Variants in DNAH11 observed in about 807,000 individuals in gnomAD.
The protein encoded by DNAH11 is axonemal beta dynein heavy chain 11.
DNAH11 carries 442 observed loss-of-function variants against 526.0 expected under a neutral mutation model. The observed-to-expected ratio is 0.84, with a 90% CI of 0.78 to 0.91. The LOEUF is 0.91. Among genes scored for constraint, DNAH11 ranks in the 40% least tolerant of loss-of-function variants. DNAH11 has a pLI of 0.00. For synonymous variants in DNAH11, 2,461 were observed against 1,935.9 expected, an observed-to-expected ratio of 1.27 and a Z score of -7.12; for missense variants, 6,989 against 5,448.7, an observed-to-expected ratio of 1.28 and a Z score of -8.90.
chr7:21,892,020 T>G (rs1465277476), intron 76 of DNAH11, among the ~76,000 whole-genome samples: 1 of 152,142 alleles, frequency 6.6e-6, no homozygotes, highest in African/African-American at 2.4e-5. Flanking sequence ...AGAATTATGA[T>G]TAAAATCAAA....
chr7:21,848,334 ATC>A (rs145963018), intron 66 of DNAH11, among the ~76,000 whole-genome samples: 8,121 of 148,728 alleles, frequency 0.055, 289 homozygotes, highest in South Asian at 0.14. Context: ...ATCTTTCTCC[ATC>A]TCTCTCTCTC....
chr7:21,603,611 A>C (rs938459530), intron 18 of DNAH11, among the ~76,000 whole-genome samples: 3 of 152,218 alleles, frequency 2.0e-5, no homozygotes, highest in East Asian at 1.9e-4. Flanking sequence ...TGAATTGTTA[A>C]ATTCTATTTA....
chr7:21,642,113 A>C (rs1010224430), intron 28 of DNAH11, among the ~76,000 whole-genome samples: 20 of 152,148 alleles, frequency 1.3e-4, no homozygotes, highest in African/African-American at 4.1e-4. Flanking sequence ...TATATTTTTG[A>C]TATATTTTGA....
intron 73 of DNAH11, among the ~76,000 whole-genome samples, chr7:21,871,861 G>A (rs1018192574): frequency 1.6e-4 from 25 of 151,700 alleles, no homozygotes; most frequent in Admixed American, 1.6e-3. Context: ...GGTGGCTCAA[G>A]CCTGTAATCC....
chr7:21,863,378 G>C (rs1245540902), intron 69 of DNAH11, among the ~76,000 whole-genome samples: 4 of 152,110 alleles, frequency 2.6e-5, no homozygotes, highest in Admixed American at 2.6e-4. Context: ...GCCAGGCTGG[G>C]GTGCGGTGGT....
rs866197760 is a variant in DNAH11 at position 21,866,667 on chromosome 7, G to T, written c.11690+4G>T. 2 of 1,602,606 alleles carry T rather than the reference G, an allele frequency of 1.2e-6. No homozygotes were observed. The highest frequency in any genetic ancestry group is 1.7e-6 in the Non-Finnish European group (2 of 1,174,996). ...ACAGAATGACGTATGCTCTCAGGTG[G>T]GGTGGTCAGCATTTTTGGAAACATG... is the stretch of plus-strand genomic sequence containing the variant. On this transcript the variant is annotated splice_donor_region_variant and intron_variant, in intron 71 of 81. Coordinates refer to ENST00000409508, the MANE Select transcript of DNAH11 (RefSeq NM_001277115.2).
Position 21,617,614 on chromosome 7 carries a change from T to G in DNAH11, c.4096-5T>G. ...AGCTAGGTTTTTTCCTCCACTTTTC[T>G]TTAGGAAATTTGGTCACTCAACAAG... is the stretch of plus-strand genomic sequence containing the variant. On this transcript the variant is annotated splice_region_variant and splice_polypyrimidine_tract_variant and intron_variant, in intron 22 of 81. Transcript: ENST00000409508. The G allele has an allele frequency of 6.2e-7, 1 of 1,613,648 alleles. No individual in the cohort carries two copies. The highest frequency in any genetic ancestry group is 8.5e-7 in the Non-Finnish European group (1 of 1,179,736).
chr7:21,616,906 G>A (rs1281435928), intron 22 of DNAH11, among the ~76,000 whole-genome samples: 1 of 152,118 alleles, frequency 6.6e-6, no homozygotes, highest in East Asian at 1.9e-4. Context: ...AAAAGTGACA[G>A]GACCATTTGC....
rs1028924134 is a variant in DNAH11 at position 21,750,238 on chromosome 7, G to A, written c.8814G>A (p.Leu2938=). 2 of 1,605,614 alleles carry A rather than the reference G, an allele frequency of 1.2e-6. No homozygotes were observed. Among genetic ancestry groups the A allele is most frequent in the Non-Finnish European group, 1.7e-6 (2 of 1,175,906 alleles). The change falls in exon 54 of 82, where the codon CTG becomes CTA. Residue 2938 remains leucine, a synonymous_variant. Transcript: ENST00000409508. Reference sequence around the variant, plus strand: ...TTGGGGCAGGAGAAATCCCAGATCTGTTCAGCGATGAAGATGTGGACAAGA... The same window carrying A: ...TTGGGGCAGGAGAAATCCCAGATCTATTCAGCGATGAAGATGTGGACAAGA... ...DLLASGEIPD[L]FSDEDVDKII...
intron 30 of DNAH11, among the ~76,000 whole-genome samples, chr7:21,671,144 ATTTCT>A (rs1239771511): frequency 1.3e-5 from 2 of 151,996 alleles, no homozygotes; most frequent in East Asian, 1.9e-4. Flanking sequence ...TTGTAAATTG[ATTTCT>A]TTTATACATA....
intron 34 of DNAH11, among the ~76,000 whole-genome samples, chr7:21,690,425 A>G (rs973630066): frequency 6.6e-6 from 1 of 152,212 alleles, no homozygotes; most frequent in African/African-American, 2.4e-5. Flanking sequence ...ATCCCATTCA[A>G]GGAATTGCAG....
chr7:21,583,160 G>C (rs1784372671), intron 9 of DNAH11, among the ~76,000 whole-genome samples: 1 of 152,120 alleles, frequency 6.6e-6, no homozygotes, highest in Admixed American at 6.6e-5. Context: ...CAAAGCTGGA[G>C]GCATCATGCT....
rs371680752 is a variant in DNAH11, at chr7:21,765,476, C to T, written c.8989C>T (p.Arg2997Trp). Residue 2997 changes from arginine (R) to tryptophan (W), a missense_variant, in exon 55 of 82, where the codon CGG becomes TGG. Physicochemically the swap from Arg to Trp is moderately radical, Grantham distance 101. Transcript: ENST00000409508. The part of the protein sequence containing the change: ...PVGRTLRVRA[R>W]KFPAIVNCTA... Reference sequence around the variant, plus strand: ...TGGTCGCACGCTGAGAGTTAGAGCTCGGAAGTTCCCAGCCATAGTTAACTG... The same window carrying T: ...TGGTCGCACGCTGAGAGTTAGAGCTTGGAAGTTCCCAGCCATAGTTAACTG... 7.4e-6 allele frequency: 12 copies of T among 1,613,808 alleles called. 1 individual carries two copies. Among genetic ancestry groups the T allele is most frequent in the South Asian group, 4.4e-5 (4 of 91,070 alleles).
At chr7:21,821,872 C>T (rs1790065743) in intron 65 of DNAH11, among the ~76,000 whole-genome samples, 1 of 152,128 alleles carries the variant, frequency 6.6e-6, no homozygotes, top group Admixed American at 6.6e-5. Context: ...GCCAGCTTCT[C>T]TTCCTGGCCT....
At chr7:21,790,432 A>C (rs563390567) in intron 61 of DNAH11, among the ~76,000 whole-genome samples, 1 of 152,350 alleles carries the variant, frequency 6.6e-6, no homozygotes, top group South Asian at 2.1e-4. Context: ...CCTGGGCGAC[A>C]GAGCAAGACT....
chr7:21,683,472 C>T lies in DNAH11; in HGVS notation c.5461-312C>T, dbSNP rs149273821. On this transcript the variant is annotated intron_variant, in intron 31 of 81. Coordinates refer to ENST00000409508, the MANE Select transcript of DNAH11 (RefSeq NM_001277115.2). ...ATAGACAGTATATTTTTCCATCTGA[C>T]TTCAGTGATATGAGTATAAAGTTAC... Among the ~76,000 whole-genome samples, 956 of 152,212 alleles carry T rather than the reference C, an allele frequency of 6.3e-3. 11 individuals carry two copies. Among genetic ancestry groups the T allele is most frequent in the African/African-American group, 0.021 (890 of 41,522 alleles).
At chr7:21,626,864 C>T (rs952603685) in intron 25 of DNAH11, among the ~76,000 whole-genome samples, 2 of 150,320 alleles carry the variant, frequency 1.3e-5, no homozygotes, top group Non-Finnish European at 2.9e-5. Context: ...CATTCTTCTG[C>T]CTCAGCCTCC....
chr7:21,655,557 G>T (rs1781976614), intron 28 of DNAH11, among the ~76,000 whole-genome samples: 1 of 152,110 alleles, frequency 6.6e-6, no homozygotes, highest in Non-Finnish European at 1.5e-5. Flanking sequence ...AGAGAAGTCA[G>T]TAAGCATCCA....
rs1437697444 is a variant in DNAH11, at chr7:21,615,192, C to G, written c.3931C>G (p.Pro1311Ala). 2.5e-6 allele frequency: 4 copies of G among 1,612,996 alleles called. No homozygotes were observed. Among genetic ancestry groups the G allele is most frequent in the Non-Finnish European group, 3.4e-6 (4 of 1,179,458 alleles). The change falls in exon 21 of 82, where the codon CCA (proline) becomes GCA (alanine). Residue 1311 changes from proline (P) to alanine (A), a missense_variant. By Grantham distance (27) the Pro-to-Ala change is conservative. Transcript: ENST00000409508. ...ESTRLFEVAL[P>A]EYKQMKQCRK... The stretch of plus-strand genomic sequence containing the variant: ...TACTCGTCTTTTTGAAGTGGCTCTT[C>G]CAGAGTACAAACAAATGAAACAGTG...
Sources: allele counts gnomAD v4.1 joint callset (sites outside exome capture counted in the v4.1 genomes callset), GRCh38; gene constraint gnomAD v4.1.1; transcripts MANE v1.5; gene names NCBI Gene and HGNC (gene_info 2026-07-23, HGNC 2026-07-21).